The following DCDC1 variants were observed in gnomAD, a reference collection of about 807,000 sequenced individuals.
DCDC1 encodes doublecortin domain-containing protein 1.
In DCDC1, 200 loss-of-function variants were observed where a neutral mutation model predicts 178.3. The ratio of observed to expected loss-of-function variants is 1.12; its 90% CI spans 1.00 to 1.26. The LOEUF is 1.26. Among genes scored for constraint, DCDC1 ranks in the 50% most tolerant of loss-of-function variants. DCDC1 has a pLI of 0.00. For missense variants in DCDC1, 1,983 were observed against 1,749.2 expected, an observed-to-expected ratio of 1.13 and a Z score of -2.38; for synonymous variants, 690 against 604.8, an observed-to-expected ratio of 1.14 and a Z score of -2.07.
chr11:31,327,403 C>T (rs1484036352), intron 3 of DCDC1, among the ~76,000 whole-genome samples: 1 of 152,098 alleles, frequency 6.6e-6, no homozygotes, highest in Non-Finnish European at 1.5e-5. Flanking sequence ...CTCCCGACCT[C>T]AGGTGATCTG....
intron 11 of DCDC1, among the ~76,000 whole-genome samples, chr11:31,113,170 C>A (rs1017914077): frequency 1.6e-4 from 24 of 152,220 alleles, no homozygotes; most frequent in African/African-American, 5.8e-4. Flanking sequence ...TGACACGTAG[C>A]AAAAACATTA....
chr11:31,359,351 G>A (rs1164133552), intron 1 of DCDC1, among the ~76,000 whole-genome samples: 3 of 144,722 alleles, frequency 2.1e-5, no homozygotes, highest in South Asian at 2.2e-4. Context: ...ACCAAACACC[G>A]CATATTCTCA....
At chr11:31,283,560 G>T (rs1318603792) in intron 7 of DCDC1, among the ~76,000 whole-genome samples, 1 of 151,434 alleles carries the variant, frequency 6.6e-6, no homozygotes, top group Non-Finnish European at 1.5e-5. Context: ...TGTTTCTATT[G>T]ATCAACTTTT....
At chr11:31,015,169 C>T (rs1030493118) in intron 20 of DCDC1, among the ~76,000 whole-genome samples, 1 of 151,936 alleles carries the variant, frequency 6.6e-6, no homozygotes, top group Admixed American at 6.6e-5. Flanking sequence ...AGGGTGGTCT[C>T]GATCTCCTGA....
At chr11:31,120,821 C>T (rs1428813892) in intron 11 of DCDC1, among the ~76,000 whole-genome samples, 1 of 152,160 alleles carries the variant, frequency 6.6e-6, no homozygotes, top group Non-Finnish European at 1.5e-5. Flanking sequence ...CTTTTCCACT[C>T]ACCATCCCCC....
At chr11:31,048,937 A>G (rs528935174) in intron 20 of DCDC1, among the ~76,000 whole-genome samples, 1 of 152,316 alleles carries the variant, frequency 6.6e-6, no homozygotes, top group East Asian at 1.9e-4. Context: ...TACTATAACA[A>G]TTATTCTTAA....
chr11:31,157,927 T>G (rs1301697234), intron 9 of DCDC1, among the ~76,000 whole-genome samples: 1 of 152,146 alleles, frequency 6.6e-6, no homozygotes, highest in Admixed American at 6.5e-5. Flanking sequence ...CAAATAAAAT[T>G]TGTATATATT....
intron 20 of DCDC1, among the ~76,000 whole-genome samples, chr11:30,964,332 T>TC (rs1949297618): frequency 6.6e-6 from 1 of 152,148 alleles, no homozygotes; most frequent in African/African-American, 2.4e-5. Context: ...CTCTTTGTGT[T>TC]CTTTATCATC....
At chr11:30,877,753 G>A (rs1303262287) in intron 38 of DCDC1, among the ~76,000 whole-genome samples, 3 of 152,026 alleles carry the variant, frequency 2.0e-5, no homozygotes, top group African/African-American at 7.2e-5. Context: ...GGCATTTGGT[G>A]GCCACCAGCC....
intron 20 of DCDC1, among the ~76,000 whole-genome samples, chr11:31,013,212 C>T (rs1334993633): frequency 6.6e-6 from 1 of 152,012 alleles, no homozygotes; most frequent in Non-Finnish European, 1.5e-5. Flanking sequence ...TATTGTATAC[C>T]TCTTTCTTAA....
chr11:31,309,135 TA>T (rs1948621129), intron 3 of DCDC1, among the ~76,000 whole-genome samples: 1 of 144,068 alleles, frequency 6.9e-6, no homozygotes, highest in Non-Finnish European at 1.5e-5. Context: ...AGAGGGAAAA[TA>T]GATGTTTGTG....
At chr11:30,917,552 G>A (rs1299329297) in intron 25 of DCDC1, among the ~76,000 whole-genome samples, 1 of 152,178 alleles carries the variant, frequency 6.6e-6, no homozygotes, top group Non-Finnish European at 1.5e-5. Context: ...TTTTGATAGA[G>A]AATAATATAC....
intron 34 of DCDC1, among the ~76,000 whole-genome samples, chr11:30,897,628 A>C (rs1944340973): frequency 6.6e-6 from 1 of 152,036 alleles, no homozygotes; most frequent in Non-Finnish European, 1.5e-5. Context: ...TTGTAATAAA[A>C]ACTGAAGACA....
At chr11:31,061,239 A>T (rs995726788) in intron 20 of DCDC1, among the ~76,000 whole-genome samples, 14 of 152,160 alleles carry the variant, frequency 9.2e-5, no homozygotes, top group Non-Finnish European at 1.9e-4. Context: ...TGGCTGTCCC[A>T]GTCCTTCTCC....
intron 20 of DCDC1, among the ~76,000 whole-genome samples, chr11:30,970,592 C>T (rs969529266): frequency 3.3e-5 from 5 of 152,178 alleles, no homozygotes; most frequent in Admixed American, 2.0e-4. Context: ...TCCACCACCC[C>T]CAACAGAGGA....
At chr11:31,042,828 A>G (rs1464386703) in intron 20 of DCDC1, among the ~76,000 whole-genome samples, 4 of 152,162 alleles carry the variant, frequency 2.6e-5, no homozygotes, top group Non-Finnish European at 5.9e-5. Context: ...ATTCCAGTGA[A>G]GCTGGATCCA....
At chr11:31,331,929 G>T (rs1950013010) in intron 2 of DCDC1, among the ~76,000 whole-genome samples, 1 of 152,042 alleles carries the variant, frequency 6.6e-6, no homozygotes, top group African/African-American at 2.4e-5. Flanking sequence ...TTTTTCTATT[G>T]ATTGGAATAG....
At chr11:31,226,288 A>G (rs974647671) in intron 9 of DCDC1, among the ~76,000 whole-genome samples, 1 of 152,106 alleles carries the variant, frequency 6.6e-6, no homozygotes, top group South Asian at 2.1e-4. Context: ...CTGGAAAAAA[A>G]ATAAAATAAA....
intron 23 of DCDC1, among the ~76,000 whole-genome samples, chr11:30,923,361 G>A (rs1185314833): frequency 4.0e-5 from 6 of 148,746 alleles, no homozygotes; most frequent in African/African-American, 1.5e-4. Flanking sequence ...TGTGGCTATT[G>A]CCAGGTGACA....
Sources: allele counts gnomAD v4.1 joint callset (sites outside exome capture counted in the v4.1 genomes callset), GRCh38; gene constraint gnomAD v4.1.1; transcripts MANE v1.5; gene names NCBI Gene and HGNC (gene_info 2026-07-23, HGNC 2026-07-21).